OPRM1: variants seen among roughly 807,000 people sequenced by gnomAD.
The protein encoded by OPRM1 is mu-type opioid receptor.
OPRM1 carries 27 observed loss-of-function variants against 31.8 expected under a neutral mutation model. The ratio of observed to expected loss-of-function variants is 0.85; its 90% CI spans 0.63 to 1.17. OPRM1 has a LOEUF of 1.17. Ranked by LOEUF, OPRM1 falls within the 50% of genes most tolerant of loss-of-function variation. The pLI, the probability that OPRM1 is intolerant of heterozygous loss-of-function variation, is 0.00. For synonymous variants in OPRM1, 196 were observed against 189.9 expected, an observed-to-expected ratio of 1.03 and a Z score of -0.26; for missense variants, 536 against 511.1, an observed-to-expected ratio of 1.05 and a Z score of -0.47.
At chr6:154,160,352 G>C (rs1798909898) in intron 3 of OPRM1, among the ~76,000 whole-genome samples, 1 of 152,094 alleles carries the variant, frequency 6.6e-6, no homozygotes, top group African/African-American at 2.4e-5. Context: ...CTTGGTGTGG[G>C]AATCATGCCT....
intron 2 of OPRM1, 57 bp from the exon 3 acceptor site, chr6:154,090,895 C>G: frequency 6.6e-7 from 1 of 1,514,882 alleles, no homozygotes; most frequent in Non-Finnish European, 9.0e-7. Context: ...AGTATTAACA[C>G]CTTATGACAT....
At chr6:154,241,254 A>G (rs1780565657) in intron 3 of OPRM1, among the ~76,000 whole-genome samples, 1 of 144,548 alleles carries the variant, frequency 6.9e-6, no homozygotes, top group East Asian at 2.0e-4. Context: ...AAAAAAAAAA[A>G]GAGAGAGAGA....
At chr6:154,061,564 C>T (rs1002292696) in intron 1 of OPRM1, among the ~76,000 whole-genome samples, 1 of 152,066 alleles carries the variant, frequency 6.6e-6, no homozygotes, top group Non-Finnish European at 1.5e-5. Context: ...GCAATGTATG[C>T]AGGAACAGAA....
intron 3 of OPRM1, among the ~76,000 whole-genome samples, chr6:154,237,475 C>T (rs1398681658): frequency 6.6e-6 from 1 of 152,226 alleles, no homozygotes; most frequent in African/African-American, 2.4e-5. Context: ...CACAATTCTC[C>T]TGCATCCTAA....
At chr6:154,160,895 T>G (rs1053793448) in intron 3 of OPRM1, among the ~76,000 whole-genome samples, 9 of 152,174 alleles carry the variant, frequency 5.9e-5, no homozygotes, top group Non-Finnish European at 1.0e-4. Context: ...CTGCCTCCAA[T>G]GCCCACTTCA....
downstream of OPRM1, among the ~76,000 whole-genome samples, chr6:154,134,909 ACTAT>A (rs759501771): frequency 4.6e-5 from 7 of 152,070 alleles, no homozygotes; most frequent in Non-Finnish European, 1.0e-4. Context: ...GCTGACAGAA[ACTAT>A]CTATTTAAAT....
chr6:154,166,844 T>C (rs2128552964), intron 3 of OPRM1, among the ~76,000 whole-genome samples: 1 of 152,370 alleles, frequency 6.6e-6, no homozygotes, highest in South Asian at 2.1e-4. Context: ...ATCAGCTTCG[T>C]ACATACTGTG....
chr6:154,167,191 G>A (rs1799508807), intron 3 of OPRM1, among the ~76,000 whole-genome samples: 2 of 152,178 alleles, frequency 1.3e-5, no homozygotes, highest in South Asian at 4.1e-4. Context: ...GCTAAATCAG[G>A]AGCATTTTAC....
intron 3 of OPRM1, among the ~76,000 whole-genome samples, chr6:154,226,616 A>G (rs1779272215): frequency 6.6e-6 from 1 of 152,184 alleles, no homozygotes; most frequent in South Asian, 2.1e-4. Flanking sequence ...GAATTACCGC[A>G]AAAGTCTCCT....
At chr6:154,020,489 A>C (rs1440515136) in intron 1 of OPRM1, among the ~76,000 whole-genome samples, 2 of 152,244 alleles carry the variant, frequency 1.3e-5, no homozygotes, top group African/African-American at 4.8e-5. Context: ...TAATTCTGGA[A>C]AGATAATTTA....
intron 3 of OPRM1, among the ~76,000 whole-genome samples, chr6:154,243,723 T>A (rs1036142054): frequency 1.3e-5 from 2 of 152,180 alleles, no homozygotes; most frequent in African/African-American, 4.8e-5. Flanking sequence ...GGAGTCGGAT[T>A]GGCATGCTGT....
rs746226429 is a variant in OPRM1 at position 154,159,833 on chromosome 6, T to C, written c.1164+68361T>C. The C allele has an allele frequency of 7.1e-5, 115 of 1,610,080 alleles. No homozygotes were observed. The highest frequency in any genetic ancestry group is 9.6e-5 in the Non-Finnish European group (113 of 1,178,302). ...GAGAAAACCCTGACTTTGTCTCAAATGGAATTTTCAACAGAGGGAGAAGAA... is the reference window on the plus strand; with the variant it reads ...GAGAAAACCCTGACTTTGTCTCAAACGGAATTTTCAACAGAGGGAGAAGAA... On this transcript the variant is annotated intron_variant, in intron 3 of 3. Coordinates refer to the OPRM1 transcript ENST00000337049.
At chr6:154,100,082 T>G (rs147253444) in intron 3 of OPRM1, among the ~76,000 whole-genome samples, 992 of 98,544 alleles carry the variant, frequency 0.01, 14 homozygotes, top group Admixed American at 0.018. Context: ...TATATCATAT[T>G]ATATATTATC....
At chr6:154,096,523 G>T (rs1029397057) in intron 3 of OPRM1, among the ~76,000 whole-genome samples, 1 of 151,896 alleles carries the variant, frequency 6.6e-6, no homozygotes, top group African/African-American at 2.4e-5. Flanking sequence ...GGCAAAAACC[G>T]CAATTATTTT....
intron 3 of OPRM1, among the ~76,000 whole-genome samples, chr6:154,184,680 T>C (rs1406728833): frequency 6.6e-6 from 1 of 152,110 alleles, no homozygotes; most frequent in Non-Finnish European, 1.5e-5. Flanking sequence ...TACAATATAT[T>C]TTTTTCGAAT....
intron 3 of OPRM1, among the ~76,000 whole-genome samples, chr6:154,106,349 A>T (rs1795570747): frequency 6.6e-6 from 1 of 152,192 alleles, no homozygotes; most frequent in Non-Finnish European, 1.5e-5. Context: ...GTTGTGTGCT[A>T]GGTGTGAAGC....
exon 4 of OPRM1, chr6:154,246,810 G>A: frequency 6.3e-7 from 1 of 1,585,148 alleles, no homozygotes; most frequent in Non-Finnish European, 8.6e-7. Context: ...TGATTTGGTA[G>A]GTAAAGTATT....
intron 1 of OPRM1, among the ~76,000 whole-genome samples, chr6:154,079,445 A>G (rs138742058): frequency 5.3e-4 from 80 of 152,264 alleles, no homozygotes; most frequent in Non-Finnish European, 8.8e-4. Context: ...GACCAGAGAG[A>G]TAATCAGGCT....
chr6:154,189,989 T>A (rs9479785), intron 3 of OPRM1, among the ~76,000 whole-genome samples: 13,601 of 151,968 alleles, frequency 0.089, 885 homozygotes, highest in African/African-American at 0.18. Context: ...TATGTACAAT[T>A]GTTATATGTC....
Sources: gnomAD v4.1 joint callset for allele counts (sites outside exome capture counted in the v4.1 genomes callset) on GRCh38, gnomAD v4.1.1 for gene constraint, MANE v1.5 for transcripts, NCBI Gene and HGNC (gene_info 2026-07-23, HGNC 2026-07-21) for gene names.